DCAF5: variants seen among roughly 807,000 people sequenced by gnomAD.
The protein encoded by DCAF5 is DDB1- and CUL4-associated factor 5.
In DCAF5, 9 loss-of-function variants were observed where a neutral mutation model predicts 80.7. That is an observed-to-expected ratio of 0.11 (90% confidence interval 0.07 to 0.19). The LOEUF (loss-of-function observed/expected upper bound fraction) is 0.19. Among genes scored for constraint, DCAF5 ranks in the 10% least tolerant of loss-of-function variants. The pLI is 1.00. For synonymous variants in DCAF5, 433 were observed against 461.9 expected (o/e 0.94, Z 0.80); for missense variants, 842 against 1,205.7 (o/e 0.70, Z 4.47).
intron 1 of DCAF5, among the ~76,000 whole-genome samples, chr14:69,130,661 T>A (rs1252434164): frequency 1.3e-5 from 2 of 152,180 alleles, no homozygotes; most frequent in East Asian, 3.8e-4. Flanking sequence ...AATAAAAGCA[T>A]GAGGCAGCTC....
intron 7 of DCAF5, among the ~76,000 whole-genome samples, chr14:69,073,038 G>A (rs1594948070): frequency 6.6e-6 from 1 of 152,210 alleles, no homozygotes; most frequent in East Asian, 1.9e-4. Context: ...ACACTGCATA[G>A]TGCATTTTAG....
intron 6 of DCAF5, chr14:69,090,832 T>C: frequency 2.2e-6 from 1 of 446,268 alleles, no homozygotes; most frequent in Non-Finnish European, 4.0e-6. Flanking sequence ...AGCGAGAGAC[T>C]AAGGTTTTTC....
intron 1 of DCAF5, among the ~76,000 whole-genome samples, chr14:69,135,493 G>A (rs2041164021): frequency 6.6e-6 from 1 of 152,186 alleles, no homozygotes; most frequent in African/African-American, 2.4e-5. Flanking sequence ...AAGTATCTAT[G>A]AGATAGTTTG....
At chr14:69,111,991 C>A (rs540175517) in intron 5 of DCAF5, among the ~76,000 whole-genome samples, 9 of 152,162 alleles carry the variant, frequency 5.9e-5, no homozygotes, top group Non-Finnish European at 1.0e-4. Context: ...GGACCCTTAA[C>A]TAACATCATA....
intron 1 of DCAF5, among the ~76,000 whole-genome samples, chr14:69,130,722 TATTA>T (rs1386630117): frequency 6.6e-6 from 1 of 152,240 alleles, no homozygotes; most frequent in Non-Finnish European, 1.5e-5. Flanking sequence ...TTAGTGACTG[TATTA>T]ATTGTTCAAA....
intron 7 of DCAF5, among the ~76,000 whole-genome samples, chr14:69,070,582 T>A (rs369529680): frequency 6.6e-6 from 1 of 152,206 alleles, no homozygotes; most frequent in African/African-American, 2.4e-5. Flanking sequence ...AATCCAGGTA[T>A]GATTTTAAGT....
At chr14:69,123,137 A>G (rs779535044) in intron 1 of DCAF5, among the ~76,000 whole-genome samples, 5 of 152,236 alleles carry the variant, frequency 3.3e-5, no homozygotes, top group Non-Finnish European at 5.9e-5. Context: ...ATACAAGGGC[A>G]TACTATGAAG....
At chr14:69,116,306 A>G in intron 5 of DCAF5, 60 bp downstream of exon 5, 1 of 1,571,488 alleles carries the variant, frequency 6.4e-7, no homozygotes, top group Non-Finnish European at 8.7e-7. Context: ...CTGGCTGGTC[A>G]CATTACCTGA....
At chr14:69,091,063 C>G (rs775964021) in intron 6 of DCAF5, 5 of 748,184 alleles carry the variant, frequency 6.7e-6, no homozygotes. Context: ...TCTTAAACTG[C>G]CAGCTTTAAG....
intron 7 of DCAF5, among the ~76,000 whole-genome samples, chr14:69,074,204 T>C (rs779838964): frequency 6.6e-6 from 1 of 152,232 alleles, no homozygotes; most frequent in African/African-American, 2.4e-5. Context: ...TTGTGTAATA[T>C]ACTTGGCATA....
chr14:69,110,359 T>A (rs1427013637), intron 5 of DCAF5, among the ~76,000 whole-genome samples: 1 of 144,904 alleles, frequency 6.9e-6, no homozygotes, highest in African/African-American at 2.6e-5. Flanking sequence ...AACCTCCACC[T>A]CCTGGGTTCA....
intron 6 of DCAF5, chr14:69,089,504 C>T (rs2039458477): frequency 6.6e-6 from 1 of 152,096 alleles, no homozygotes; most frequent in South Asian, 2.1e-4. Flanking sequence ...TAAAACTCTT[C>T]CCATAGGACA....
chr14:69,074,952 T>C (rs556596721), intron 7 of DCAF5, among the ~76,000 whole-genome samples: 2 of 151,822 alleles, frequency 1.3e-5, no homozygotes, highest in Admixed American at 6.6e-5. Flanking sequence ...GAGAATTGCT[T>C]GAACCCGGGA....
At chr14:69,084,960 C>T in intron 6 of DCAF5, 1 of 1,420,228 alleles carries the variant, frequency 7.0e-7, no homozygotes, top group Non-Finnish European at 9.9e-7. Context: ...GCATGCCTTG[C>T]TCATTTTGCA....
chr14:69,101,869 A>G (rs2140004624), intron 5 of DCAF5, among the ~76,000 whole-genome samples: 1 of 152,300 alleles, frequency 6.6e-6, no homozygotes, highest in Admixed American at 6.5e-5. Context: ...CACAGTAAAA[A>G]TACAGTATAA....
At chr14:69,079,943 C>T (rs1475835772) in intron 6 of DCAF5, among the ~76,000 whole-genome samples, 1 of 151,950 alleles carries the variant, frequency 6.6e-6, no homozygotes, top group Non-Finnish European at 1.5e-5. Flanking sequence ...TGTTAGTTTC[C>T]GTTTTACAGA....
chr14:69,143,266 TA>T (rs1246349249), intron 1 of DCAF5, among the ~76,000 whole-genome samples: 4 of 152,178 alleles, frequency 2.6e-5, no homozygotes, highest in Non-Finnish European at 5.9e-5. Flanking sequence ...TCAGATCCTT[TA>T]AAAATGCATA....
At chr14:69,132,069 C>T (rs1020192108) in intron 1 of DCAF5, among the ~76,000 whole-genome samples, 3 of 152,144 alleles carry the variant, frequency 2.0e-5, no homozygotes, top group African/African-American at 7.2e-5. Flanking sequence ...TTGCTTCTAC[C>T]TTTCAGCTTT....
Position 69,125,802 on chromosome 14 carries a change from TA to T in DCAF5, c.215-3443del, listed in dbSNP as rs1178019441. Among the ~76,000 whole-genome samples, 6 of 152,248 alleles carry T rather than the reference TA, an allele frequency of 3.9e-5. No homozygotes were observed. The East Asian group carries it at 1.2e-3, about 29-fold the overall frequency. On this transcript the variant is annotated intron_variant, in intron 1 of 8. Coordinates refer to ENST00000341516, the MANE Select transcript of DCAF5 (RefSeq NM_003861.3). ...ATAAATATTGAAAACCTAATGGTAA[TA>T]AAAGCAAGTTTCGAAAGGATATGAA...
Sources: gnomAD v4.1 joint callset for allele counts (sites outside exome capture counted in the v4.1 genomes callset) on GRCh38, gnomAD v4.1.1 for gene constraint, MANE v1.5 for transcripts, NCBI Gene and HGNC (gene_info 2026-07-23, HGNC 2026-07-21) for gene names.